RBFOX1: variants seen among roughly 807,000 people sequenced by gnomAD.
RBFOX1 encodes RNA binding fox-1 homolog 1, also known as RNA binding protein fox-1 homolog 1.
In RBFOX1, 8 loss-of-function variants were observed where a neutral mutation model predicts 57.7. That is an observed-to-expected ratio of 0.14 (90% CI 0.08 to 0.25). The LOEUF (loss-of-function observed/expected upper bound fraction) is 0.25, where lower values mean the gene tolerates loss of function less well. Ranked by LOEUF, RBFOX1 falls within the 10% of genes least tolerant of loss-of-function variation. The pLI is 1.00. For synonymous variants in RBFOX1, 326 were observed against 222.4 expected, an observed-to-expected ratio of 1.47 and a Z score of -4.15; for missense variants, 611 against 548.5, an observed-to-expected ratio of 1.11 and a Z score of -1.14.
At position 7,504,805 on chromosome 16, in the gene RBFOX1, A is replaced by T. The variant is rs868727275; in HGVS notation, c.28-13342A>T. 1.8e-3 allele frequency among the ~76,000 whole-genome samples: 153 copies of T among 84,058 alleles called. 19 individuals are homozygous for T. The highest frequency in any genetic ancestry group is 4.6e-3 in the African/African-American group (88 of 19,302). The allele number at this position is 84,058 out of a possible 152,430, so 55.1% of individuals were successfully genotyped here. ...TATATATTTATATATATATATATTT[A>T]TATATATATATATAGTGACTAACAT... On this transcript the variant is annotated intron_variant, in intron 4 of 15. Transcript: ENST00000550418.
intron 4 of RBFOX1, among the ~76,000 whole-genome samples, chr16:7,063,434 A>G (rs1444274425): frequency 6.6e-6 from 1 of 152,034 alleles, no homozygotes; most frequent in East Asian, 1.9e-4. Context: ...TTCTCAGAGT[A>G]CCCTTCAAAG....
chr16:7,580,837 G>T (rs1432878979), intron 6 of RBFOX1, among the ~76,000 whole-genome samples: 2 of 152,190 alleles, frequency 1.3e-5, no homozygotes, highest in African/African-American at 4.8e-5. Flanking sequence ...AGCAATGATA[G>T]CAGGTGCCTC....
chr16:6,175,152 C>T (rs2096994120), intron 1 of RBFOX1, among the ~76,000 whole-genome samples: 1 of 152,102 alleles, frequency 6.6e-6, no homozygotes, highest in South Asian at 2.1e-4. Flanking sequence ...TACTGTGAGT[C>T]CGTGACTACA....
At chr16:5,692,606 T>G (rs191415631) in intron 3 of RBFOX1, among the ~76,000 whole-genome samples, 2 of 152,178 alleles carry the variant, frequency 1.3e-5, no homozygotes, top group African/African-American at 4.8e-5. Context: ...AGATTTGTTA[T>G]GCAGCAATAG....
chr16:7,333,273 C>G (rs1044878446), intron 4 of RBFOX1, among the ~76,000 whole-genome samples: 8 of 152,180 alleles, frequency 5.3e-5, no homozygotes, highest in African/African-American at 1.9e-4. Flanking sequence ...TCTCTCATGG[C>G]TGAATAAATG....
intron 3 of RBFOX1, among the ~76,000 whole-genome samples, chr16:5,631,103 A>G (rs2151303988): frequency 6.6e-6 from 1 of 152,328 alleles, no homozygotes; most frequent in African/African-American, 2.4e-5. Context: ...TGCTGCATCT[A>G]CATTTGAAAC....
intron 4 of RBFOX1, among the ~76,000 whole-genome samples, chr16:7,425,959 C>T (rs1455787927): frequency 1.3e-5 from 2 of 152,222 alleles, no homozygotes; most frequent in Non-Finnish European, 2.9e-5. Context: ...GTGCTGTATC[C>T]ATGAGCTCAG....
intron 3 of RBFOX1, among the ~76,000 whole-genome samples, chr16:7,009,702 G>A (rs1234063101): frequency 3.3e-5 from 5 of 152,178 alleles, no homozygotes; most frequent in African/African-American, 9.7e-5. Context: ...TGAGCAGGCA[G>A]CAGTTGAGCC....
At chr16:5,979,801 G>A (rs2152308998) in intron 4 of RBFOX1, among the ~76,000 whole-genome samples, 1 of 152,294 alleles carries the variant, frequency 6.6e-6, no homozygotes, top group South Asian at 2.1e-4. Flanking sequence ...GGCAGAGGTT[G>A]CAGTGCGCCG....
intron 1 of RBFOX1, among the ~76,000 whole-genome samples, chr16:6,065,439 T>C (rs2095748959): frequency 6.6e-6 from 1 of 152,182 alleles, no homozygotes; most frequent in African/African-American, 2.4e-5. Flanking sequence ...TTTGCTTTTC[T>C]TGCTGGCTTT....
chr16:6,766,070 C>A (rs772604694), intron 3 of RBFOX1, among the ~76,000 whole-genome samples: 1 of 151,772 alleles, frequency 6.6e-6, no homozygotes. Context: ...TCCTAGATTT[C>A]AACACTATGC....
chr16:6,883,497 A>G (rs181124472), intron 3 of RBFOX1, among the ~76,000 whole-genome samples: 3 of 152,338 alleles, frequency 2.0e-5, no homozygotes, highest in African/African-American at 7.2e-5. Context: ...ATCTGCAAGA[A>G]TATTTACTTA....
chr16:7,474,492 C>A (rs13335127), intron 4 of RBFOX1, among the ~76,000 whole-genome samples: 2 of 152,088 alleles, frequency 1.3e-5, no homozygotes, highest in Admixed American at 6.6e-5. Context: ...TGGCAGTGAC[C>A]CCAGTGACCT....
chr16:6,381,076 G>T (rs2091763012), intron 2 of RBFOX1, among the ~76,000 whole-genome samples: 1 of 152,176 alleles, frequency 6.6e-6, no homozygotes, highest in African/African-American at 2.4e-5. Context: ...TTTGGGGCAA[G>T]GGGATTTGGG....
At chr16:6,286,196 G>A (rs185136416) in intron 1 of RBFOX1, among the ~76,000 whole-genome samples, 80 of 152,212 alleles carry the variant, frequency 5.3e-4, no homozygotes, top group Admixed American at 3.4e-3. Flanking sequence ...AAGTCATGGC[G>A]TCCATTTTTA....
At chr16:7,683,207 C>T (rs1238347489) in intron 14 of RBFOX1, among the ~76,000 whole-genome samples, 3 of 148,238 alleles carry the variant, frequency 2.0e-5, no homozygotes, top group Non-Finnish European at 3.0e-5. Flanking sequence ...GTAGAGTCAC[C>T]GTAATTTTTT....
intron 5 of RBFOX1, among the ~76,000 whole-genome samples, chr16:7,557,400 A>G (rs999076967): frequency 3.3e-5 from 5 of 152,202 alleles, no homozygotes; most frequent in Non-Finnish European, 7.4e-5. Flanking sequence ...TGGGCGGATC[A>G]CTTGAGATCA....
chr16:7,069,722 G>A (rs974939370), intron 4 of RBFOX1, among the ~76,000 whole-genome samples: 23 of 152,124 alleles, frequency 1.5e-4, no homozygotes, highest in African/African-American at 5.3e-4. Flanking sequence ...CAGCATCGAG[G>A]TGTGTTCTGC....
At chr16:7,338,805 A>C (rs915752255) in intron 4 of RBFOX1, among the ~76,000 whole-genome samples, 2 of 152,208 alleles carry the variant, frequency 1.3e-5, no homozygotes, top group Non-Finnish European at 2.9e-5. Context: ...AATTTGGGTA[A>C]GTTTCTGGTT....
Sources: gnomAD v4.1 joint callset for allele counts (sites outside exome capture counted in the v4.1 genomes callset) on GRCh38, gnomAD v4.1.1 for gene constraint, MANE v1.5 for transcripts, NCBI Gene and HGNC (gene_info 2026-07-23, HGNC 2026-07-21) for gene names.